The following CASTOR1 variants were observed in gnomAD, a reference collection of about 807,000 sequenced individuals.
CASTOR1 encodes the protein cytosolic arginine sensor for mTORC1 subunit 1.
CASTOR1 carries 18 observed loss-of-function variants against 33.7 expected under a neutral mutation model. The ratio of observed to expected loss-of-function variants is 0.53; its 90% CI spans 0.37 to 0.79. The LOEUF (loss-of-function observed/expected upper bound fraction) is 0.79, where lower values mean the gene tolerates loss of function less well. Ranked by LOEUF, CASTOR1 falls within the 30% of genes least tolerant of loss-of-function variation. The probability of loss-of-function intolerance (pLI) is 0.00; values close to 1 mark genes in which losing one functional copy is unlikely to be tolerated. For missense variants in CASTOR1, 362 were observed against 446.3 expected (o/e 0.81, Z 1.70); for synonymous variants, 175 against 190.6 (o/e 0.92, Z 0.67).
intron 2 of CASTOR1, chr22:30,287,839 T>C (rs193004172): frequency 2.4e-4 from 156 of 647,696 alleles, no homozygotes; most frequent in African/African-American, 2.4e-3. Flanking sequence ...CTGGGGTGGG[T>C]GATTTGAGTC....
intron 1 of CASTOR1, 57 bp downstream of exon 1, chr22:30,289,328 C>T: frequency 1.6e-6 from 2 of 1,258,684 alleles, no homozygotes. Flanking sequence ...CGACCCTGGC[C>T]CGGAGCGAGA....
At chr22:30,287,752 C>T in intron 2 of CASTOR1, 192 bp from the exon 3 acceptor site, 1 of 708,776 alleles carries the variant, frequency 1.4e-6, no homozygotes, top group South Asian at 1.5e-5. Context: ...GGCATTGAAA[C>T]TTCCCACTTA....
chr22:30,288,458 G>A (rs1248982978), intron 2 of CASTOR1, among the ~76,000 whole-genome samples: 1 of 152,146 alleles, frequency 6.6e-6, no homozygotes, highest in Non-Finnish European at 1.5e-5. Context: ...GTTTATAAAG[G>A]CCTCATGGGA....
chr22:30,286,258 C>T lies in CASTOR1; in HGVS notation c.743+5G>A. 2 of 1,607,456 alleles carry T rather than the reference C, an allele frequency of 1.2e-6. No homozygotes were observed. The highest frequency in any genetic ancestry group is 1.7e-6 in the Non-Finnish European group (2 of 1,174,280). ...GGGGCCCACCCGGGGTCAGGGGTCA[C>T]CTACTTTTTCTGTGTTTCAGCATCC... On this transcript the variant is annotated splice_donor_5th_base_variant and intron_variant, in intron 6 of 8. Coordinates refer to ENST00000407689, the MANE Select transcript of CASTOR1 (RefSeq NM_001037666.3).
intron 4 of CASTOR1, 38 bp downstream of exon 4, chr22:30,287,117 G>A (rs1410309862): frequency 6.3e-7 from 1 of 1,584,572 alleles, no homozygotes; most frequent in South Asian, 1.1e-5. Context: ...GGAAGAGGAG[G>A]CCCTGCCCAA....
At chr22:30,288,860 C>T (rs1182523982) in intron 1 of CASTOR1, 84 bp from the exon 2 acceptor site, 2 of 1,152,142 alleles carry the variant, frequency 1.7e-6, no homozygotes, top group Non-Finnish European at 2.5e-6. Context: ...CCCCGAGACA[C>T]CCCCGCGACC....
In CASTOR1 at chr22:30,289,391, C is replaced by T. The variant is rs1268802966; in HGVS notation, c.107G>A (p.Arg36His). 6.3e-7 allele frequency: 1 copy of T among 1,585,202 alleles called. No homozygotes were observed. The highest frequency in any genetic ancestry group is 8.6e-7 in the Non-Finnish European group (1 of 1,169,398). The change falls in exon 1 of 9, where the codon CGC becomes CAC. Residue 36 changes from arginine to histidine, a missense_variant. Transcript: ENST00000407689. ...PLIKLLFLPRRSRCKFFSLTE... is the reference protein window; with the variant it reads ...PLIKLLFLPRHSRCKFFSLTE... ...CCCGAACCCGGGCGCGCACCGGCTGCGGCGGGGCAGGAAGAGCAGCTTGAT... is the reference window on the plus strand; with the variant it reads ...CCCGAACCCGGGCGCGCACCGGCTGTGGCGGGGCAGGAAGAGCAGCTTGAT...
In CASTOR1 at chr22:30,286,001, G is replaced by T; in HGVS notation, c.826+15C>A. The T allele has an allele frequency of 6.3e-7, 1 of 1,591,270 alleles. No homozygotes were observed. On this transcript the variant is annotated intron_variant, in intron 7 of 8. Coordinates refer to ENST00000407689, the MANE Select transcript of CASTOR1 (RefSeq NM_001037666.3). ...AGACACTCCCCAGCCCCCCAACACC[G>T]GGAACAGCCCTCACCAAAGCCCAGG... is the stretch of plus-strand genomic sequence containing the variant.
rs757841487 is a variant in CASTOR1, at chr22:30,286,890, T to A, written c.564A>T (p.Thr188=). 29 of 1,613,964 alleles carry A rather than the reference T, an allele frequency of 1.8e-5. No individual in the cohort carries two copies. Among genetic ancestry groups the A allele is most frequent in the Non-Finnish European group, 1.4e-5 (17 of 1,179,964 alleles). ...QSPQNRFCVL[T]LDPETLPAIA... Reference sequence around the variant, plus strand: ...TGGCTGGAAGCGTCTCAGGGTCCAGTGTGAGGACACAGAAGCGGTTCTGTG... The same window carrying A: ...TGGCTGGAAGCGTCTCAGGGTCCAGAGTGAGGACACAGAAGCGGTTCTGTG... Residue 188 remains threonine, a synonymous_variant, in exon 5 of 9, where the codon ACA becomes ACT. Coordinates refer to ENST00000407689, the MANE Select transcript of CASTOR1 (RefSeq NM_001037666.3).
Position 30,287,505 on chromosome 22 carries a change from G to A in CASTOR1, c.240C>T (p.Asn80=), listed in dbSNP as rs763829995. ...QVAEATWLVL[N]VSSHSGAAVQ... is the part of the protein sequence containing the mutation. ...CTGCCGCACCGCTGTGAGACGACAC[G>A]TTCAGCACCAGCCATGTGGCCTCAG... Residue 80 remains asparagine, a synonymous_variant, in exon 3 of 9, where the codon AAC becomes AAT. Coordinates refer to ENST00000407689, the MANE Select transcript of CASTOR1 (RefSeq NM_001037666.3). The A allele has an allele frequency of 3.7e-6, 6 of 1,613,342 alleles. No homozygotes were observed. The highest frequency in any genetic ancestry group is 3.3e-5 in the Admixed American group (2 of 60,016).
Position 30,286,328 on chromosome 22 carries a change from C to T in CASTOR1, c.678G>A (p.Thr226=), listed in dbSNP as rs531606907. 3.7e-6 allele frequency: 6 copies of T among 1,614,136 alleles called. No homozygotes were observed. Among genetic ancestry groups the T allele is most frequent in the African/African-American group, 1.3e-5 (1 of 75,048 alleles). The change falls in exon 6 of 9, where the codon ACG becomes ACA. Residue 226 remains threonine (T), a synonymous_variant. Coordinates refer to ENST00000407689, the MANE Select transcript of CASTOR1 (RefSeq NM_001037666.3). ...CCTCGATGAGGGAGAAGGCAAAGAACGTGATGGAGCTGGGTTCAGGACTGC... is the reference window on the plus strand; with the variant it reads ...CCTCGATGAGGGAGAAGGCAAAGAATGTGATGGAGCTGGGTTCAGGACTGC... The part of the protein sequence containing the change: ...ASSSPEPSSI[T]FFAFSLIEGY...
rs550057547 is a variant in CASTOR1, at chr22:30,287,571, G to A, written c.185-11C>T. ...CAGATGGGGGCAGCTCTGTGGGCAG[G>A]GGACATGTCAGGTCAGGGTCTACAA... is the stretch of plus-strand genomic sequence containing the variant. On this transcript the variant is annotated splice_polypyrimidine_tract_variant and intron_variant, in intron 2 of 8. Coordinates refer to ENST00000407689, the MANE Select transcript of CASTOR1 (RefSeq NM_001037666.3). 6.2e-7 allele frequency: 1 copy of A among 1,603,852 alleles called. No homozygotes were observed. Among genetic ancestry groups the A allele is most frequent in the East Asian group, 2.2e-5 (1 of 44,530 alleles).
Position 30,286,953 on chromosome 22 carries a change from TG to T in CASTOR1, c.506-6del. The T allele has an allele frequency of 6.2e-7, 1 of 1,608,516 alleles. No individual in the cohort carries two copies. Among genetic ancestry groups the T allele is most frequent in the African/African-American group, 1.3e-5 (1 of 74,876 alleles). Reference sequence around the variant, plus strand: ...GATGCACCGTGGGGCTGGGCCCTGCTGGAGGACAGCAGCAGGTGAAAAGGTG... The same window carrying T: ...GATGCACCGTGGGGCTGGGCCCTGCTGAGGACAGCAGCAGGTGAAAAGGTG... On this transcript the variant is annotated splice_polypyrimidine_tract_variant and splice_region_variant and intron_variant, in intron 4 of 8. Transcript: ENST00000407689.
At chr22:30,287,110 A>G in intron 4 of CASTOR1, 45 bp downstream of exon 4, 1 of 1,573,908 alleles carries the variant, frequency 6.4e-7, no homozygotes, top group Non-Finnish European at 8.6e-7. Flanking sequence ...CCCAGTGGGA[A>G]GAGGAGGCCC....
At position 30,285,504 on chromosome 22, in the gene CASTOR1, G is replaced by C. The variant is rs1405206851; in HGVS notation, c.*116C>G. On this transcript the variant is annotated 3_prime_UTR_variant, in exon 9 of 9. Coordinates refer to ENST00000407689, the MANE Select transcript of CASTOR1 (RefSeq NM_001037666.3). ...GCAGCTTACATACAGAGAGCGGAAC[G>C]AGGGTCCCCAGCAGAACAGGGGGCT... The C allele has an allele frequency of 6.1e-6, 5 of 817,284 alleles. No homozygotes were observed. The highest frequency in any genetic ancestry group is 2.9e-5 in the East Asian group (1 of 34,590). 50.6% of individuals were successfully genotyped at this position (817,284 alleles called of 1,614,324 possible).
At position 30,285,829 on chromosome 22, in the gene CASTOR1, C is replaced by CCCCCTG. The variant is rs55833321; in HGVS notation, c.921+2_921+3insCAGGGG. On this transcript the variant is annotated splice_region_variant and intron_variant, in intron 8 of 8. Transcript: ENST00000407689. ...CCCCTCTGCCCCAGCCCTTGGTGCT[C>CCCCCTG]ACCAGGGCGTGGTCGAAGTTGAAGG... 1 of 1,605,138 alleles carries CCCCCTG rather than the reference C, an allele frequency of 6.2e-7. No homozygotes were observed. The highest frequency in any genetic ancestry group is 1.7e-5 in the Admixed American group (1 of 58,508).
Position 30,286,893 on chromosome 22 carries a change from G to A in CASTOR1, c.561C>T (p.Leu187=). 6.2e-7 allele frequency: 1 copy of A among 1,614,190 alleles called. No homozygotes were observed. The highest frequency in any genetic ancestry group is 8.5e-7 in the Non-Finnish European group (1 of 1,180,012). The part of the protein sequence containing the change: ...IQSPQNRFCV[L]TLDPETLPAI... ...CTGGAAGCGTCTCAGGGTCCAGTGT[G>A]AGGACACAGAAGCGGTTCTGTGGGC... The change falls in exon 5 of 9, where the codon CTC becomes CTT. Residue 187 remains leucine, a synonymous_variant. Transcript: ENST00000407689.
At chr22:30,288,601 T>A in intron 2 of CASTOR1, 105 bp downstream of exon 2, 1 of 975,270 alleles carries the variant, frequency 1.0e-6, no homozygotes, top group Non-Finnish European at 1.6e-6. Context: ...CATCTGCTTT[T>A]AAGGCTTAAG....
At chr22:30,286,478 C>A in intron 5 of CASTOR1, 102 bp from the exon 6 acceptor site, 1 of 827,012 alleles carries the variant, frequency 1.2e-6, no homozygotes, top group Non-Finnish European at 2.0e-6. Context: ...GGTATGGTGG[C>A]CTGGGCAGGC....
Sources: gnomAD v4.1 joint callset for allele counts (sites outside exome capture counted in the v4.1 genomes callset) on GRCh38, gnomAD v4.1.1 for gene constraint, MANE v1.5 for transcripts, NCBI Gene and HGNC (gene_info 2026-07-23, HGNC 2026-07-21) for gene names.